The following SEMA5B variants were observed in gnomAD, a reference collection of about 807,000 sequenced individuals.
The protein encoded by SEMA5B is semaphorin 5B.
A neutral mutation model predicts 135.0 loss-of-function variants in SEMA5B; 66 were observed. The ratio of observed to expected loss-of-function variants is 0.49; its 90% CI spans 0.40 to 0.60. The LOEUF is 0.60. SEMA5B is among the 20% of genes least tolerant of loss of function. The pLI, the probability that SEMA5B is intolerant of heterozygous loss-of-function variation, is 0.00. For missense variants in SEMA5B, 1,501 were observed against 1,566.3 expected (o/e 0.96, Z 0.70); for synonymous variants, 690 against 639.5 (o/e 1.08, Z -1.19).
rs551011913 is a variant in SEMA5B, at chr3:122,974,793, C to T, written c.-38-13492G>A. Among the ~76,000 whole-genome samples the T allele has an allele frequency of 6.6e-5, 10 of 152,326 alleles. No individual in the cohort carries two copies. The South Asian group carries it at 1.4e-3, about 22-fold the overall frequency. ...CTTCCAGTGCTTAATGAATGTCTCT[C>T]TTTAAACCTGGCCATTGGTGCCAAG... On this transcript the variant is annotated intron_variant, in intron 1 of 22. Coordinates refer to ENST00000357599, the MANE Select transcript of SEMA5B (RefSeq NM_001031702.4).
chr3:122,961,411 T>C, intron 1 of SEMA5B, 110 bp from the exon 2 acceptor site: 1 of 1,020,334 alleles, frequency 9.8e-7, no homozygotes, highest in Non-Finnish European at 1.4e-6. Flanking sequence ...TGCTGCTGTG[T>C]TTGTTTCTTG....
At chr3:122,950,331 G>T (rs954710162) in intron 2 of SEMA5B, among the ~76,000 whole-genome samples, 2 of 152,184 alleles carry the variant, frequency 1.3e-5, no homozygotes, top group Non-Finnish European at 2.9e-5. Context: ...TAGGGGTTGG[G>T]GTGTGCAAGA....
chr3:122,911,656 G>A (rs760517938), intron 20 of SEMA5B, 121 bp from the exon 21 acceptor site: 44 of 1,080,132 alleles, frequency 4.1e-5, no homozygotes, highest in South Asian at 6.4e-5. Flanking sequence ...CTAGGTAGGC[G>A]TGGGGGCCTT....
chr3:122,929,581 C>G (rs1204064542), intron 5 of SEMA5B, among the ~76,000 whole-genome samples: 1 of 152,146 alleles, frequency 6.6e-6, no homozygotes, highest in Non-Finnish European at 1.5e-5. Flanking sequence ...TCTGTGTGAC[C>G]TAAGCAAGTC....
At chr3:122,977,033 G>C (rs916678601) in intron 1 of SEMA5B, among the ~76,000 whole-genome samples, 1 of 152,196 alleles carries the variant, frequency 6.6e-6, no homozygotes, top group African/African-American at 2.4e-5. Flanking sequence ...CTGGGCAACA[G>C]AGTGAGACTC....
chr3:122,913,488 T>G (rs1367008176), intron 16 of SEMA5B, 46 bp downstream of exon 16: 1 of 1,586,724 alleles, frequency 6.3e-7, no homozygotes, highest in African/African-American at 1.3e-5. Flanking sequence ...TCCCCTCGGC[T>G]CCAGTACCCT....
chr3:122,989,427 T>C (rs1466677691), intron 1 of SEMA5B, among the ~76,000 whole-genome samples: 1 of 152,188 alleles, frequency 6.6e-6, no homozygotes, highest in Non-Finnish European at 1.5e-5. Context: ...CCCCTCATAG[T>C]CGACCCTAGA....
At chr3:122,946,537 C>T (rs996846525) in intron 3 of SEMA5B, among the ~76,000 whole-genome samples, 2 of 152,120 alleles carry the variant, frequency 1.3e-5, no homozygotes, top group African/African-American at 4.8e-5. Flanking sequence ...CCCCAGAGCA[C>T]AGTCCTTTGC....
At chr3:122,915,381 C>T (rs1938008425) in intron 14 of SEMA5B, 59 bp downstream of exon 14, 10 of 1,524,316 alleles carry the variant, frequency 6.6e-6, no homozygotes, top group Non-Finnish European at 8.9e-6. Flanking sequence ...GTCCCCGTTT[C>T]CCTAGTTCTC....
intron 1 of SEMA5B, among the ~76,000 whole-genome samples, chr3:123,025,166 A>G (rs924144084): frequency 2.6e-5 from 4 of 152,212 alleles, no homozygotes; most frequent in African/African-American, 9.6e-5. Flanking sequence ...GTCTGGCACT[A>G]GAAGTGGTAA....
chr3:122,970,947 T>C (rs180706971), intron 1 of SEMA5B, among the ~76,000 whole-genome samples: 83 of 152,288 alleles, frequency 5.5e-4, no homozygotes, highest in Admixed American at 1.3e-3. Context: ...AGTTTGTCCA[T>C]CAGGGGCATT....
At chr3:122,911,118 A>G in intron 21 of SEMA5B, 73 bp from the exon 22 acceptor site, 1 of 1,303,778 alleles carries the variant, frequency 7.7e-7, no homozygotes. Flanking sequence ...CCTCCCTGGG[A>G]GCAGAAACAG....
At chr3:122,983,872 G>C (rs1461039096) in intron 1 of SEMA5B, among the ~76,000 whole-genome samples, 1 of 151,890 alleles carries the variant, frequency 6.6e-6, no homozygotes, top group East Asian at 1.9e-4. Context: ...TGTTAGTGTT[G>C]TGATTATCTT....
At chr3:122,977,549 G>A (rs1239979470) in intron 1 of SEMA5B, among the ~76,000 whole-genome samples, 2 of 152,180 alleles carry the variant, frequency 1.3e-5, no homozygotes, top group African/African-American at 4.8e-5. Context: ...AAGAGTCAGG[G>A]CTGGCAACAG....
chr3:122,971,926 A>T (rs1236534881), intron 1 of SEMA5B, among the ~76,000 whole-genome samples: 1 of 152,240 alleles, frequency 6.6e-6, no homozygotes, highest in Non-Finnish European at 1.5e-5. Context: ...AATGATAGCA[A>T]CAACAACAGC....
intron 1 of SEMA5B, among the ~76,000 whole-genome samples, chr3:123,001,529 TCCTA>T (rs941533760): frequency 2.6e-5 from 4 of 152,350 alleles, no homozygotes; most frequent in African/African-American, 4.8e-5. Context: ...ACTCTTCGCT[TCCTA>T]CCTATCTCCC....
Position 122,922,366 on chromosome 3 carries a change from T to C in SEMA5B, c.1354A>G (p.Ser452Gly). Residue 452 changes from serine (S) to glycine (G), a missense_variant, in exon 11 of 23, where the codon AGC becomes GGC. This residue lies in a region of SEMA5B where 574 missense variants were observed against 684.7 expected (regional missense o/e 0.84). Coordinates refer to ENST00000357599, the MANE Select transcript of SEMA5B (RefSeq NM_001031702.4). ...GGTGTCACCGGCTGCACGGCCTCGCTCATCAGGAAGAGGCGCTGCGCGTCC... is the reference window on the plus strand; with the variant it reads ...GGTGTCACCGGCTGCACGGCCTCGCCCATCAGGAAGAGGCGCTGCGCGTCC... ...LQDAQRLFLMSEAVQPVTPEP... is the reference protein window; with the variant it reads ...LQDAQRLFLMGEAVQPVTPEP... 6.2e-7 allele frequency: 1 copy of C among 1,613,132 alleles called. No individual in the cohort carries two copies. The highest frequency in any genetic ancestry group is 1.1e-5 in the South Asian group (1 of 90,846).
chr3:123,009,941 G>A (rs1942398025), intron 1 of SEMA5B, among the ~76,000 whole-genome samples: 1 of 152,194 alleles, frequency 6.6e-6, no homozygotes, highest in African/African-American at 2.4e-5. Flanking sequence ...TCATAGCAGG[G>A]AGACGGCATG....
At chr3:123,001,356 T>C (rs1303548362) in intron 1 of SEMA5B, among the ~76,000 whole-genome samples, 4 of 152,058 alleles carry the variant, frequency 2.6e-5, no homozygotes, top group African/African-American at 4.8e-5. Flanking sequence ...CCAAGAACCA[T>C]AGATTTTGGA....
Sources: gnomAD v4.1 joint callset for allele counts (sites outside exome capture counted in the v4.1 genomes callset) on GRCh38, gnomAD v4.1.1 for gene constraint, gnomAD v4.1.1 regional missense constraint, MANE v1.5 for transcripts, NCBI Gene and HGNC (gene_info 2026-07-23, HGNC 2026-07-21) for gene names.